MYO3B: variants seen among roughly 807,000 people sequenced by gnomAD.
MYO3B encodes the protein myosin-IIIb.
MYO3B carries 156 observed loss-of-function variants against 174.6 expected under a neutral mutation model. The ratio of observed to expected loss-of-function variants is 0.89; its 90% CI spans 0.78 to 1.02. The LOEUF (loss-of-function observed/expected upper bound fraction) is 1.02, where lower values mean the gene tolerates loss of function less well. MYO3B is among the 50% of genes least tolerant of loss of function. MYO3B has a pLI of 0.00. For missense variants in MYO3B, 1,632 were observed against 1,639.4 expected (o/e 1.00, Z 0.08); for synonymous variants, 563 against 569.1 (o/e 0.99, Z 0.15).
In MYO3B at chr2:170,401,796, C is replaced by CTTT. The variant is rs1268110549; in HGVS notation, c.2129+108_2129+110dup. On this transcript the variant is annotated intron_variant, in intron 18 of 34. Transcript: ENST00000408978. ...TTTGGTCCTCTCTGGGATTTTCTTT[C>CTTT]TTTTTCTTTTTTTTTTTTTTTGTGG... The CTTT allele has an allele frequency of 1.4e-5, 11 of 794,386 alleles. No individual in the cohort carries two copies. The African/African-American group carries it at 1.7e-4, about 12-fold the overall frequency. The allele number at this position is 794,386 out of a possible 1,614,324, so 49.2% of individuals were successfully genotyped here. A position where few individuals can be genotyped will look rare whatever the true frequency, so the allele number is the denominator to read the frequency against.
intron 15 of MYO3B, 151 bp from the exon 16 acceptor site, chr2:170,392,230 C>T (rs1005510756): frequency 1.0e-4 from 45 of 451,386 alleles, no homozygotes; most frequent in African/African-American, 5.6e-4. Flanking sequence ...GAGTTCAAGG[C>T]TGCAGTGAGC....
chr2:170,219,894 C>T (rs561619688), intron 6 of MYO3B, among the ~76,000 whole-genome samples: 1 of 152,160 alleles, frequency 6.6e-6, no homozygotes, highest in Non-Finnish European at 1.5e-5. Context: ...TTCAAAATCA[C>T]AAAATATAAT....
At chr2:170,480,576 A>G (rs1261657397) in intron 25 of MYO3B, among the ~76,000 whole-genome samples, 1 of 152,208 alleles carries the variant, frequency 6.6e-6, no homozygotes, top group Non-Finnish European at 1.5e-5. Context: ...GGGAACCCCA[A>G]CTTGAAGCTG....
intron 7 of MYO3B, among the ~76,000 whole-genome samples, chr2:170,298,448 G>A (rs2093642055): frequency 6.6e-6 from 1 of 152,076 alleles, no homozygotes; most frequent in East Asian, 1.9e-4. Context: ...AGGCCGAGGT[G>A]GGTGGATCAT....
At position 170,463,384 on chromosome 2, in the gene MYO3B, T is replaced by G; in HGVS notation, c.2747T>G (p.Val916Gly). 1 of 1,613,680 alleles carries G rather than the reference T, an allele frequency of 6.2e-7. No homozygotes were observed. Among genetic ancestry groups the G allele is most frequent in the East Asian group, 2.2e-5 (1 of 44,868 alleles). ...AGKAKVDTLE[V>G]IRHPEETTNM... ...TGCTTCCAGGTGGACACTCTGGAGG[T>G]GATACGGCATCCGGAAGAAACCACC... The change falls in exon 24 of 35, where the codon GTG (valine) becomes GGG (glycine). Residue 916 changes from valine to glycine, a missense_variant. Transcript: ENST00000408978.
intron 23 of MYO3B, among the ~76,000 whole-genome samples, chr2:170,457,974 G>A (rs565454399): frequency 1.3e-5 from 2 of 152,222 alleles, no homozygotes; most frequent in East Asian, 1.9e-4. Flanking sequence ...GGCTGGTCTC[G>A]AACTCCTGAC....
intron 32 of MYO3B, among the ~76,000 whole-genome samples, chr2:170,587,425 A>T (rs1055201229): frequency 6.6e-6 from 1 of 152,238 alleles, no homozygotes; most frequent in Admixed American, 6.5e-5. Flanking sequence ...ACATTGAGTG[A>T]CTGACCTCGA....
intron 25 of MYO3B, among the ~76,000 whole-genome samples, chr2:170,469,108 C>T (rs1025392581): frequency 6.6e-6 from 1 of 152,100 alleles, no homozygotes; most frequent in East Asian, 1.9e-4. Flanking sequence ...TGCGCTCCAG[C>T]CAGGGCGACG....
chr2:170,372,313 C>A (rs953562777), intron 9 of MYO3B, among the ~76,000 whole-genome samples: 1 of 151,972 alleles, frequency 6.6e-6, no homozygotes, highest in Non-Finnish European at 1.5e-5. Context: ...AATAATGCAA[C>A]CTCCATAAAT....
rs56861648 is a variant in MYO3B at position 170,563,031 on chromosome 2, T to TACACACACACAC, written c.3733+19064_3733+19075dup. On this transcript the variant is annotated intron_variant, in intron 32 of 34. Transcript: ENST00000408978. ...ACACTACAAAGTTGTAAAACATGCA[T>TACACACACACAC]ACACACACACACACACACACACACA... Among the ~76,000 whole-genome samples, 886 of 138,648 alleles carry TACACACACACAC rather than the reference T, an allele frequency of 6.4e-3. 9 individuals carry two copies. Among genetic ancestry groups the TACACACACACAC allele is most frequent in the East Asian group, 0.028 (131 of 4,640 alleles). 91.0% of individuals were successfully genotyped at this position (138,648 alleles called of 152,430 possible). A position where few individuals can be genotyped will look rare whatever the true frequency, so the allele number is the denominator to read the frequency against.
At position 170,404,179 on chromosome 2, in the gene MYO3B, G is replaced by A. The variant is rs1015972542; in HGVS notation, c.2278-68G>A. On this transcript the variant is annotated intron_variant, in intron 19 of 34. Coordinates refer to ENST00000408978, the MANE Select transcript of MYO3B (RefSeq NM_138995.5). ...ATGTTGCTAGACCCAGAAAGTCCAT[G>A]TCAAAGTATCCTGGTGGTCCCAAGG... 19 of 1,487,150 alleles carry A rather than the reference G, an allele frequency of 1.3e-5. No individual in the cohort carries two copies. The African/African-American group carries it at 1.8e-4, about 14-fold the overall frequency. The allele number at this position is 1,487,150 out of a possible 1,614,324, so 92.1% of individuals were successfully genotyped here. A position where few individuals can be genotyped will look rare whatever the true frequency, so the allele number is the denominator to read the frequency against.
chr2:170,386,274 T>G lies in MYO3B; in HGVS notation c.1374+2T>G, dbSNP rs1161360063. Reference sequence around the variant, plus strand: ...CAGCATTTGACTTTCTTGGGAAAGGTATTGACTAATCTGCTTTACGTATTG... The same window carrying G: ...CAGCATTTGACTTTCTTGGGAAAGGGATTGACTAATCTGCTTTACGTATTG... On this transcript the variant is annotated splice_donor_variant, in intron 13 of 34. Coordinates refer to ENST00000408978, the MANE Select transcript of MYO3B (RefSeq NM_138995.5). LOFTEE classifies it high-confidence loss of function. 6.2e-7 allele frequency: 1 copy of G among 1,612,354 alleles called. No individual in the cohort carries two copies. The highest frequency in any genetic ancestry group is 1.7e-4 in the Middle Eastern group (1 of 6,058).
chr2:170,606,693 A>G (rs1295012048), intron 32 of MYO3B, among the ~76,000 whole-genome samples: 1 of 152,080 alleles, frequency 6.6e-6, no homozygotes, highest in Non-Finnish European at 1.5e-5. Context: ...TATTTGCAAC[A>G]TTTTCTCTAA....
Position 170,635,083 on chromosome 2 carries a change from A to G in MYO3B, c.3734-16545A>G, listed in dbSNP as rs186265604. On this transcript the variant is annotated intron_variant, in intron 32 of 34. Coordinates refer to ENST00000408978, the MANE Select transcript of MYO3B (RefSeq NM_138995.5). ...TCCTCAAGGATCCAGAACTAGAAAT[A>G]CCATTTGACCCAGGGATCCCATTAC... 1.2e-3 allele frequency among the ~76,000 whole-genome samples: 181 copies of G among 152,314 alleles called. 1 individual carries two copies. Among genetic ancestry groups the G allele is most frequent in the South Asian group, 7.5e-3 (36 of 4,830 alleles).
At chr2:170,557,818 A>G (rs2106244233) in intron 32 of MYO3B, among the ~76,000 whole-genome samples, 1 of 152,300 alleles carries the variant, frequency 6.6e-6, no homozygotes, top group East Asian at 1.9e-4. Context: ...ACCTGCAGCG[A>G]AGAGTCAGAA....
At chr2:170,351,712 C>A (rs2094072063) in intron 8 of MYO3B, among the ~76,000 whole-genome samples, 1 of 152,062 alleles carries the variant, frequency 6.6e-6, no homozygotes, top group South Asian at 2.1e-4. Flanking sequence ...TTTCAGAACA[C>A]CTGAATAAAC....
chr2:170,190,861 G>A (rs1438054111), intron 1 of MYO3B, among the ~76,000 whole-genome samples: 1 of 151,668 alleles, frequency 6.6e-6, no homozygotes, highest in Non-Finnish European at 1.5e-5. Context: ...CTGAGCTGCT[G>A]CCTAAGCTGC....
rs533759616 is a variant in MYO3B, at chr2:170,651,846, G to A, written c.3840+112G>A. 24 of 715,174 alleles carry A rather than the reference G, an allele frequency of 3.4e-5. 1 individual carries two copies. Among genetic ancestry groups the A allele is most frequent in the East Asian group, 9.1e-5 (3 of 32,862 alleles). The allele number at this position is 715,174 out of a possible 1,614,324, so 44.3% of individuals were successfully genotyped here. A position where few individuals can be genotyped will look rare whatever the true frequency, so the allele number is the denominator to read the frequency against. On this transcript the variant is annotated intron_variant, in intron 33 of 34. Transcript: ENST00000408978. ...GCCCCACCCCCACCCTCATGCTCTC[G>A]TCTTGAACATGTGCTTAGGCTCTTT...
intron 32 of MYO3B, among the ~76,000 whole-genome samples, chr2:170,647,721 C>T (rs2105473541): frequency 6.6e-6 from 1 of 152,156 alleles, no homozygotes; most frequent in Non-Finnish European, 1.5e-5. Context: ...TAAGAACATT[C>T]TATCCAATAA....
Sources: allele counts gnomAD v4.1 joint callset (sites outside exome capture counted in the v4.1 genomes callset), GRCh38; gene constraint gnomAD v4.1.1; transcripts MANE v1.5; gene names NCBI Gene and HGNC (gene_info 2026-07-23, HGNC 2026-07-21).